The following HAUS1 variants were observed in gnomAD, a reference collection of about 807,000 sequenced individuals.
HAUS1 encodes HAUS augmin-like complex subunit 1.
In HAUS1, 25 loss-of-function variants were observed where a neutral mutation model predicts 38.6. That is an observed-to-expected ratio of 0.65 (90% CI 0.47 to 0.91). HAUS1 has a LOEUF of 0.91. HAUS1 is among the 40% of genes least tolerant of loss of function. The pLI, the probability that HAUS1 is intolerant of heterozygous loss-of-function variation, is 0.00. For missense variants in HAUS1, 325 were observed against 328.4 expected, an observed-to-expected ratio of 0.99 and a Z score of 0.08; for synonymous variants, 109 against 112.9, an observed-to-expected ratio of 0.97 and a Z score of 0.22.
chr18:46,123,154 A>T (rs930107209), intron 5 of HAUS1, 145 bp from the exon 6 acceptor site: 8 of 580,464 alleles, frequency 1.4e-5, no homozygotes, highest in Non-Finnish European at 2.5e-5. Context: ...GAGTTTGCAG[A>T]GAGCCGAGAT....
Position 46,122,529 on chromosome 18 carries a change from A to C in HAUS1, c.539A>C (p.Gln180Pro), listed in dbSNP as rs970603724. Reference protein sequence around the residue: ...TERAKVDNRRQNMDFLKAKSE... With the variant: ...TERAKVDNRRPNMDFLKAKSE... ...AGGGCCAAAGTTGATAATCGTCGTC[A>C]GAACATGGACTTTCTAAAAGCAAAG... The change falls in exon 5 of 9, where the codon CAG becomes CCG. Residue 180 changes from glutamine (Q) to proline (P), a missense_variant. By Grantham distance (76) the Gln-to-Pro change is moderately conservative. Transcript: ENST00000282058. 6.2e-7 allele frequency: 1 copy of C among 1,614,170 alleles called. No individual in the cohort carries two copies.
intron 3 of HAUS1, among the ~76,000 whole-genome samples, chr18:46,119,454 A>G (rs1341258668): frequency 6.6e-6 from 1 of 152,044 alleles, no homozygotes; most frequent in African/African-American, 2.4e-5. Context: ...AATTTTTTAA[A>G]CTTTTTTTTT....
chr18:46,115,216 T>C (rs763589037), intron 2 of HAUS1: 4 of 152,180 alleles, frequency 2.6e-5, no homozygotes, highest in Non-Finnish European at 4.4e-5. Context: ...TCCCAGCACT[T>C]GGGGAGGCCG....
At chr18:46,125,638 C>T (rs1004196296) in intron 7 of HAUS1, 106 bp from the exon 8 acceptor site, 4 of 682,190 alleles carry the variant, frequency 5.9e-6, no homozygotes, top group Admixed American at 5.5e-5. Context: ...CATTGGGTAT[C>T]CCTCTGGGAG....
At chr18:46,125,314 G>T (rs1463026430) in intron 7 of HAUS1, among the ~76,000 whole-genome samples, 1 of 151,652 alleles carries the variant, frequency 6.6e-6, no homozygotes, top group East Asian at 1.9e-4. Context: ...ACTTTGGGAG[G>T]CCGAGACGGG....
At chr18:46,104,942 C>T (rs1911418240) in intron 1 of HAUS1, among the ~76,000 whole-genome samples, 1 of 151,998 alleles carries the variant, frequency 6.6e-6, no homozygotes, top group East Asian at 1.9e-4. Context: ...TAGCCTGTAC[C>T]GCTTTTGCAG....
intron 2 of HAUS1, among the ~76,000 whole-genome samples, chr18:46,116,020 C>T (rs1911787650): frequency 6.6e-6 from 1 of 151,250 alleles, no homozygotes; most frequent in African/African-American, 2.4e-5. Flanking sequence ...GCATGAGAAT[C>T]ACTTGAACCT....
chr18:46,119,251 T>C lies in HAUS1; in HGVS notation c.342-675T>C, dbSNP rs566910365. Among the ~76,000 whole-genome samples the C allele has an allele frequency of 3.9e-5, 6 of 152,308 alleles. No homozygotes were observed. The South Asian group carries it at 1.0e-3, about 26-fold the overall frequency. ...TACCTGTCAATTTAAAGGCAATTTA[T>C]GTATAAGCTCAAAGAGTAGTGTTTT... On this transcript the variant is annotated intron_variant, in intron 3 of 8. Coordinates refer to ENST00000282058, the MANE Select transcript of HAUS1 (RefSeq NM_138443.4).
chr18:46,128,026 A>C, intron 8 of HAUS1, 49 bp from the exon 9 acceptor site: 1 of 1,097,366 alleles, frequency 9.1e-7, no homozygotes, highest in Non-Finnish European at 1.3e-6. Context: ...AATAAAAGTT[A>C]GAGCATCTGT....
Position 46,128,151 on chromosome 18 carries a change from C to G in HAUS1, c.*26C>G. On this transcript the variant is annotated 3_prime_UTR_variant, in exon 9 of 9. Transcript: ENST00000282058. ...CAAAAGCCAAATAAACATCCTTTTC[C>G]CTAACAAAGTAAATTGAATAGGACT... 6.7e-7 allele frequency: 1 copy of G among 1,493,712 alleles called. No individual in the cohort carries two copies. The highest frequency in any genetic ancestry group is 9.1e-7 in the Non-Finnish European group (1 of 1,095,832). 92.5% of individuals were successfully genotyped at this position (1,493,712 alleles called of 1,614,324 possible).
intron 2 of HAUS1, among the ~76,000 whole-genome samples, chr18:46,114,440 G>A (rs1459024915): frequency 1.3e-5 from 2 of 152,268 alleles, no homozygotes; most frequent in African/African-American, 4.8e-5. Context: ...CCAGCTATAG[G>A]AACTGCTTGG....
intron 4 of HAUS1, among the ~76,000 whole-genome samples, 160 bp from the exon 5 acceptor site, chr18:46,122,305 TAA>T (rs34707743): frequency 7.1e-6 from 1 of 140,342 alleles, no homozygotes; most frequent in Admixed American, 7.2e-5. Context: ...CCTCATCTCT[TAA>T]AAAAAAAAAA....
At chr18:46,110,300 T>C (rs1399345014) in intron 2 of HAUS1, among the ~76,000 whole-genome samples, 1 of 145,936 alleles carries the variant, frequency 6.9e-6, no homozygotes, top group African/African-American at 2.5e-5. Context: ...GGACTACAGG[T>C]GTAAATCACC....
chr18:46,124,722 C>T, intron 6 of HAUS1, 100 bp from the exon 7 acceptor site: 2 of 642,004 alleles, frequency 3.1e-6, no homozygotes, highest in Admixed American at 2.7e-5. Flanking sequence ...TTAAAATATA[C>T]TAATGTTAAT....
intron 2 of HAUS1, among the ~76,000 whole-genome samples, chr18:46,114,777 C>T (rs1911758488): frequency 6.6e-6 from 1 of 152,166 alleles, no homozygotes; most frequent in African/African-American, 2.4e-5. Flanking sequence ...GTCTCCACCT[C>T]AGTGAGCTGG....
At chr18:46,127,724 A>C (rs1034481525) in intron 8 of HAUS1, among the ~76,000 whole-genome samples, 2 of 150,328 alleles carry the variant, frequency 1.3e-5, no homozygotes, top group Non-Finnish European at 3.0e-5. Context: ...AAAAAAAAAA[A>C]CACAGAAAAG....
intron 2 of HAUS1, among the ~76,000 whole-genome samples, chr18:46,111,522 A>G (rs1394978906): frequency 6.6e-6 from 1 of 152,062 alleles, no homozygotes; most frequent in Non-Finnish European, 1.5e-5. Flanking sequence ...GGGTTTCGCC[A>G]TGTTGGCCAG....
chr18:46,119,825 T>C, intron 3 of HAUS1, 101 bp from the exon 4 acceptor site: 1 of 1,007,946 alleles, frequency 9.9e-7, no homozygotes, highest in Non-Finnish European at 1.4e-6. Context: ...ACAGCATGGT[T>C]ATATAAAAAT....
chr18:46,118,560 G>A, intron 3 of HAUS1: 1 of 438,902 alleles, frequency 2.3e-6, no homozygotes, highest in African/African-American at 2.0e-5. Flanking sequence ...ATTTGGAAAG[G>A]GGTTAGTATC....
Sources: allele counts gnomAD v4.1 joint callset (sites outside exome capture counted in the v4.1 genomes callset), GRCh38; gene constraint gnomAD v4.1.1; transcripts MANE v1.5; gene names NCBI Gene and HGNC (gene_info 2026-07-23, HGNC 2026-07-21).